The following KDM5A variants were observed in gnomAD, a reference collection of about 807,000 sequenced individuals.
The protein encoded by KDM5A is lysine demethylase 5A, also known as lysine-specific demethylase 5A.
KDM5A carries 42 observed loss-of-function variants against 193.5 expected under a neutral mutation model. That is an observed-to-expected ratio of 0.22 (90% CI 0.17 to 0.28). The LOEUF (loss-of-function observed/expected upper bound fraction) is 0.28, where lower values mean the gene tolerates loss of function less well. Ranked by LOEUF, KDM5A falls within the 10% of genes least tolerant of loss-of-function variation. KDM5A has a pLI of 1.00. For missense variants in KDM5A, 1,692 were observed against 2,055.1 expected (o/e 0.82, Z 3.42); for synonymous variants, 796 against 718.1 (o/e 1.11, Z -1.73).
intron 25 of KDM5A, among the ~76,000 whole-genome samples, chr12:296,838 A>G (rs1376637835): frequency 6.6e-6 from 1 of 152,206 alleles, no homozygotes; most frequent in African/African-American, 2.4e-5. Context: ...CTAAAACTCT[A>G]TGTAAGTTTT....
At chr12:371,484 C>A (rs1944427157) in intron 3 of KDM5A, among the ~76,000 whole-genome samples, 1 of 142,286 alleles carries the variant, frequency 7.0e-6, no homozygotes, top group East Asian at 2.0e-4. Flanking sequence ...AATTTGAGTT[C>A]TTTGTAGATT....
chr12:334,258 G>A lies in KDM5A; in HGVS notation c.1473C>T (p.Ser491=). Residue 491 remains serine, a synonymous_variant, in exon 11 of 28, where the codon TCC becomes TCT. Transcript: ENST00000399788. ...GTACATACCAGTGCAAGTAGTTGAT[G>A]GAATAACTCCAGTGATCCTCAATGT... ...CWHIEDHWSY[S]INYLHWGEPK... 2 of 1,613,962 alleles carry A rather than the reference G, an allele frequency of 1.2e-6. No individual in the cohort carries two copies. The highest frequency in any genetic ancestry group is 8.5e-7 in the Non-Finnish European group (1 of 1,179,978).
At position 307,056 on chromosome 12, in the gene KDM5A, T is replaced by G; in HGVS notation, c.3964A>C (p.Asn1322His). 1 of 1,614,178 alleles carries G rather than the reference T, an allele frequency of 6.2e-7. No homozygotes were observed. Among genetic ancestry groups the G allele is most frequent in the Non-Finnish European group, 8.5e-7 (1 of 1,180,022 alleles). ...GATGACACACTGCTCACCACCCGGT[T>G]AAAAGCAGACTGCTGGAAACTAGGT... ...HLPSFQQSAF[N>H]RVVSSVSSSP... The change falls in exon 24 of 28, where the codon AAC becomes CAC. Residue 1322 changes from asparagine (N) to histidine (H), a missense_variant. By Grantham distance (68) the Asn-to-His change is moderately conservative (BLOSUM62 1). This residue lies in a region of KDM5A where 965 missense variants were observed against 1,061.0 expected (regional missense o/e 0.91). Coordinates refer to ENST00000399788, the MANE Select transcript of KDM5A (RefSeq NM_001042603.3). This position sits in a 1 kb window ranked among gnomAD's most constrained non-coding sequence, Gnocchi z 4.3.
Position 307,031 on chromosome 12 carries a change from G to C in KDM5A, c.3989C>G (p.Ser1330Cys). 1 of 1,614,096 alleles carries C rather than the reference G, an allele frequency of 6.2e-7. No individual in the cohort carries two copies. Among genetic ancestry groups the C allele is most frequent in the Non-Finnish European group, 8.5e-7 (1 of 1,179,974 alleles). Residue 1330 changes from serine (S) to cysteine (C), a missense_variant, in exon 24 of 28, where the codon TCT (serine) becomes TGT (cysteine). Physicochemically the swap from Ser to Cys is moderately radical, Grantham distance 112. Transcript: ENST00000399788. The surrounding 1 kb of genome is among the most constrained non-coding windows in gnomAD (Gnocchi z 4.3). ...AFNRVVSSVS[S>C]SPRQTMDYDD... The stretch of plus-strand genomic sequence containing the variant: ...ATAGTCCATTGTTTGTCGAGGAGAA[G>C]ATGACACACTGCTCACCACCCGGTT...
intron 10 of KDM5A, among the ~76,000 whole-genome samples, chr12:335,702 T>C (rs985507110): frequency 6.6e-6 from 1 of 152,132 alleles, no homozygotes; most frequent in Non-Finnish European, 1.5e-5. Flanking sequence ...AGATTATCTA[T>C]AAGGCAGCAC....
At chr12:379,328 A>C (rs1286150675) in intron 3 of KDM5A, among the ~76,000 whole-genome samples, 2 of 152,232 alleles carry the variant, frequency 1.3e-5, no homozygotes, top group African/African-American at 4.8e-5. Context: ...CATGTTAATG[A>C]AATAAATAGT....
chr12:359,845 G>A (rs545037578), intron 5 of KDM5A, among the ~76,000 whole-genome samples: 54 of 150,094 alleles, frequency 3.6e-4, no homozygotes, highest in African/African-American at 1.3e-3. Context: ...AGGGAGGAAA[G>A]GAGGGAGGGA....
intron 5 of KDM5A, among the ~76,000 whole-genome samples, chr12:357,264 A>G (rs1944238768): frequency 6.6e-6 from 1 of 151,706 alleles, no homozygotes; most frequent in African/African-American, 2.4e-5. Context: ...GTGACAGACA[A>G]GCGAGACCCT....
chr12:387,366 A>T (rs937479626), intron 1 of KDM5A: 8 of 233,240 alleles, frequency 3.4e-5, no homozygotes, highest in Middle Eastern at 6.3e-4. Flanking sequence ...AAGTAAAAAA[A>T]CTTTTTTTAA....
chr12:364,651 G>A (rs1944331940), intron 4 of KDM5A, among the ~76,000 whole-genome samples: 1 of 151,372 alleles, frequency 6.6e-6, no homozygotes, highest in African/African-American at 2.4e-5. Context: ...TGGGCGTGGT[G>A]GTGGGCACCT....
Position 334,297 on chromosome 12 carries a change from A to G in KDM5A, c.1434T>C (p.Ser478=), listed in dbSNP as rs534803246. Residue 478 remains serine (S), a synonymous_variant, in exon 11 of 28, where the codon TCT becomes TCC. Transcript: ENST00000399788. ...VPWLYVGMCF[S]SFCWHIEDHW... ...GATCCTCAATGTGCCAGCAAAAAGAAGAGAAGCACATTCCCACATAGAGCC... is the reference window on the plus strand; with the variant it reads ...GATCCTCAATGTGCCAGCAAAAAGAGGAGAAGCACATTCCCACATAGAGCC... The G allele has an allele frequency of 1.3e-5, 21 of 1,614,220 alleles. No homozygotes were observed. The South Asian group carries it at 1.8e-4, about 14-fold the overall frequency.
intron 16 of KDM5A, 100 bp from the exon 17 acceptor site, chr12:322,667 T>C: frequency 1.1e-6 from 1 of 938,796 alleles, no homozygotes; most frequent in Non-Finnish European, 1.7e-6. Context: ...CCCAACCTAC[T>C]TGTAGAAATA....
chr12:309,243 C>A (rs1259823546), intron 22 of KDM5A, among the ~76,000 whole-genome samples: 1 of 152,198 alleles, frequency 6.6e-6, no homozygotes, highest in Non-Finnish European at 1.5e-5. Context: ...CTGGCCAATG[C>A]CACTGTCACT....
rs147016241 is a variant in KDM5A, at chr12:385,829, A to T, written c.243+68T>A. 2.8e-5 allele frequency: 34 copies of T among 1,236,178 alleles called. No individual in the cohort carries two copies. The African/African-American group carries it at 3.1e-4, about 11-fold the overall frequency. 76.6% of individuals were successfully genotyped at this position (1,236,178 alleles called of 1,614,324 possible). A position where few individuals can be genotyped will look rare whatever the true frequency, so the allele number is the denominator to read the frequency against. ...TAGGCTGTGGTACATGAGCTTCTCAAAGTTCTCTACCTACAGCCCTAATAT... is the reference window on the plus strand; with the variant it reads ...TAGGCTGTGGTACATGAGCTTCTCATAGTTCTCTACCTACAGCCCTAATAT... On this transcript the variant is annotated intron_variant, in intron 2 of 27. Transcript: ENST00000399788.
chr12:285,667 A>G lies in KDM5A; in HGVS notation c.4867-5T>C. On this transcript the variant is annotated splice_region_variant and splice_polypyrimidine_tract_variant and intron_variant, in intron 27 of 27. Transcript: ENST00000399788. Reference sequence around the variant, plus strand: ...ATCACATTGTACCCAGTCTACCTGTAGGAAACAAGATTGGGGAATGTTTAG... The same window carrying G: ...ATCACATTGTACCCAGTCTACCTGTGGGAAACAAGATTGGGGAATGTTTAG... The G allele has an allele frequency of 6.2e-7, 1 of 1,612,576 alleles. No homozygotes were observed. The highest frequency in any genetic ancestry group is 1.1e-5 in the South Asian group (1 of 91,050).
intron 24 of KDM5A, among the ~76,000 whole-genome samples, chr12:300,501 A>C (rs1943428753): frequency 6.6e-6 from 1 of 152,214 alleles, no homozygotes; most frequent in South Asian, 2.1e-4. Context: ...CAAAGACACA[A>C]CATACCAGAA....
At chr12:354,382 TA>T (rs762455557) in intron 7 of KDM5A, 148 bp from the exon 8 acceptor site, 34 of 642,992 alleles carry the variant, frequency 5.3e-5, no homozygotes, top group Non-Finnish European at 9.0e-5. Flanking sequence ...TAATTGTATT[TA>T]AACAGCTTTT....
intron 2 of KDM5A, among the ~76,000 whole-genome samples, chr12:384,410 A>T (rs1379086123): frequency 6.6e-6 from 1 of 152,156 alleles, no homozygotes; most frequent in African/African-American, 2.4e-5. Flanking sequence ...TGATGATCTG[A>T]GGTGGAACAG....
intron 3 of KDM5A, among the ~76,000 whole-genome samples, chr12:371,958 A>C (rs375100256): frequency 2.0e-5 from 3 of 152,148 alleles, no homozygotes; most frequent in South Asian, 2.1e-4. Context: ...ATTGGTCTCT[A>C]TCTCTGTTTT....
Sources: allele counts gnomAD v4.1 joint callset (sites outside exome capture counted in the v4.1 genomes callset), GRCh38; gene constraint gnomAD v4.1.1; regional missense constraint gnomAD v4.1.1; non-coding constraint Gnocchi (gnomAD v3.1); transcripts MANE v1.5; gene names NCBI Gene and HGNC (gene_info 2026-07-23, HGNC 2026-07-21).